Variants in NPFFR2 observed in about 807,000 individuals in gnomAD.
NPFFR2 encodes G-protein coupled receptor 74.
Under a neutral mutation model 13.1 loss-of-function variants are expected in NPFFR2, and 15 were observed. That is an observed-to-expected ratio of 1.15 (90% CI 0.77 to 1.76). The LOEUF (loss-of-function observed/expected upper bound fraction) is 1.76, where lower values mean the gene tolerates loss of function less well. Ranked by LOEUF, NPFFR2 falls within the 40% of genes most tolerant of loss-of-function variation. NPFFR2 has a pLI of 0.00. For synonymous variants in NPFFR2, 190 were observed against 175.7 expected (o/e 1.08, Z -0.65); for missense variants, 572 against 503.5 (o/e 1.14, Z -1.30).
intron 1 of NPFFR2, among the ~76,000 whole-genome samples, chr4:72,053,340 GATA>G (rs1458740815): frequency 6.6e-6 from 1 of 151,796 alleles, no homozygotes; most frequent in Admixed American, 6.6e-5. Flanking sequence ...GCATGGAAGA[GATA>G]ATGAGAGAAC....
intron 1 of NPFFR2, among the ~76,000 whole-genome samples, chr4:72,074,331 A>T (rs1720362706): frequency 6.6e-6 from 1 of 152,050 alleles, no homozygotes; most frequent in African/African-American, 2.4e-5. Flanking sequence ...TCACATAGGG[A>T]TTTTGTCATC....
chr4:72,132,426 C>A (rs1177037335), intron 2 of NPFFR2, among the ~76,000 whole-genome samples: 3 of 152,118 alleles, frequency 2.0e-5, no homozygotes, highest in Non-Finnish European at 1.5e-5. Flanking sequence ...GATTCCATGT[C>A]TTTGCTATCG....
At chr4:72,117,199 A>C (rs1488709141) in intron 1 of NPFFR2, among the ~76,000 whole-genome samples, 2 of 151,980 alleles carry the variant, frequency 1.3e-5, no homozygotes, top group Non-Finnish European at 2.9e-5. Context: ...CTGACAGTAA[A>C]TCAGCTTGCA....
Position 72,045,215 on chromosome 4 carries a change from T to C in NPFFR2, c.-8+13015T>C, listed in dbSNP as rs147385810. Among the ~76,000 whole-genome samples the C allele has an allele frequency of 8.1e-3, 1,238 of 152,242 alleles. 10 individuals carry two copies. The highest frequency in any genetic ancestry group is 0.013 in the Non-Finnish European group (878 of 67,998). ...TCACTATAAGTATCTGATATACTGA[T>C]TTTGTTTCCTTCGGATAAATACACA... On this transcript the variant is annotated intron_variant, in intron 1 of 3. Coordinates refer to ENST00000308744, the MANE Select transcript of NPFFR2 (RefSeq NM_004885.3).
At chr4:72,140,096 C>T (rs986248197) in intron 3 of NPFFR2, among the ~76,000 whole-genome samples, 28 of 152,006 alleles carry the variant, frequency 1.8e-4, no homozygotes, top group African/African-American at 5.8e-4. Flanking sequence ...GTGATTTTTG[C>T]ACATTGATTT....
At chr4:72,043,414 A>G (rs1289549020) in intron 1 of NPFFR2, among the ~76,000 whole-genome samples, 1 of 152,198 alleles carries the variant, frequency 6.6e-6, no homozygotes, top group Admixed American at 6.5e-5. Flanking sequence ...AGCTTGCACC[A>G]TGCACCTGGA....
Position 72,058,510 on chromosome 4 carries a change from G to A in NPFFR2, c.-8+26310G>A, listed in dbSNP as rs574269125. Among the ~76,000 whole-genome samples the A allele has an allele frequency of 3.2e-3, 479 of 152,026 alleles. 4 individuals are homozygous for A. Among genetic ancestry groups the A allele is most frequent in the African/African-American group, 0.011 (442 of 41,480 alleles). On this transcript the variant is annotated intron_variant, in intron 1 of 3. Transcript: ENST00000308744. ...ATATATGTTTTAATGCATATAAGCT[G>A]GTCCCTGGCAACTAAGCCAGTGACC...
intron 1 of NPFFR2, among the ~76,000 whole-genome samples, chr4:72,127,966 G>T (rs1318527265): frequency 6.6e-6 from 1 of 151,964 alleles, no homozygotes; most frequent in African/African-American, 2.4e-5. Context: ...TGTGGTCTCA[G>T]CTACTTGGGG....
At chr4:72,122,962 G>A (rs1721931968) in intron 1 of NPFFR2, among the ~76,000 whole-genome samples, 1 of 152,128 alleles carries the variant, frequency 6.6e-6, no homozygotes, top group South Asian at 2.1e-4. Context: ...ATGAATCCAG[G>A]AGCTGGTTTT....
chr4:72,110,426 T>C (rs1383989342), intron 1 of NPFFR2, among the ~76,000 whole-genome samples: 1 of 151,994 alleles, frequency 6.6e-6, no homozygotes, highest in Non-Finnish European at 1.5e-5. Context: ...TGCTCCTGTA[T>C]GCAGTGATTC....
intron 3 of NPFFR2, among the ~76,000 whole-genome samples, chr4:72,140,429 T>G (rs571860526): frequency 1.1e-4 from 16 of 152,340 alleles, no homozygotes; most frequent in African/African-American, 3.8e-4. Flanking sequence ...TTGAGATACA[T>G]TCCATCAATA....
At chr4:72,132,134 T>G (rs979698877) in intron 2 of NPFFR2, among the ~76,000 whole-genome samples, 6 of 152,024 alleles carry the variant, frequency 3.9e-5, no homozygotes, top group Non-Finnish European at 7.4e-5. Context: ...CCATTGGTTT[T>G]TTTTTTTTCC....
chr4:72,068,989 A>G, intron 1 of NPFFR2: 1 of 1,412,922 alleles, frequency 7.1e-7, no homozygotes, highest in Non-Finnish European at 9.4e-7. Flanking sequence ...TGAATGTCTT[A>G]ATAAGAGTGA....
chr4:72,118,690 A>G (rs1375566649), intron 1 of NPFFR2, among the ~76,000 whole-genome samples: 1 of 152,166 alleles, frequency 6.6e-6, no homozygotes, highest in African/African-American at 2.4e-5. Context: ...AACAAAAATT[A>G]TATGATGAGA....
intron 3 of NPFFR2, among the ~76,000 whole-genome samples, chr4:72,140,752 G>T (rs1033925540): frequency 6.6e-6 from 1 of 152,054 alleles, no homozygotes; most frequent in Non-Finnish European, 1.5e-5. Context: ...ACCAGGCTTT[G>T]GTATCAGGAT....
intron 1 of NPFFR2, among the ~76,000 whole-genome samples, chr4:72,076,998 C>T (rs1425744328): frequency 6.6e-6 from 1 of 152,122 alleles, no homozygotes; most frequent in Non-Finnish European, 1.5e-5. Flanking sequence ...AGTAAATCAT[C>T]TAAATTAATT....
At position 72,128,820 on chromosome 4, in the gene NPFFR2, C is replaced by T. The variant is rs1262797003; in HGVS notation, c.229C>T (p.His77Tyr). 6.2e-7 allele frequency: 1 copy of T among 1,613,980 alleles called. No homozygotes were observed. Among genetic ancestry groups the T allele is most frequent in the Non-Finnish European group, 8.5e-7 (1 of 1,179,876 alleles). ...CFIVMRNKHMHTVTNLFILNL... is the reference protein window; with the variant it reads ...CFIVMRNKHMYTVTNLFILNL... ...TATTGTAATGAGGAACAAACATATG[C>T]ACACAGTCACTAATCTCTTCATCTT... Residue 77 changes from histidine (H) to tyrosine (Y), a missense_variant, in exon 2 of 4, where the codon CAC becomes TAC. Physicochemically the swap from His to Tyr is moderately conservative, Grantham distance 83 (BLOSUM62 2). Transcript: ENST00000308744.
intron 3 of NPFFR2, among the ~76,000 whole-genome samples, chr4:72,143,276 T>C (rs1578485131): frequency 1.3e-5 from 2 of 152,186 alleles, no homozygotes; most frequent in East Asian, 3.9e-4. Context: ...CAGAATATGC[T>C]GCCTGTAAAT....
intron 1 of NPFFR2, among the ~76,000 whole-genome samples, chr4:72,102,235 A>C (rs1237364306): frequency 6.6e-6 from 1 of 152,062 alleles, no homozygotes; most frequent in Non-Finnish European, 1.5e-5. Flanking sequence ...TGGTGGAAAA[A>C]CTTAAATGTC....
Sources: allele counts gnomAD v4.1 joint callset (sites outside exome capture counted in the v4.1 genomes callset), GRCh38; gene constraint gnomAD v4.1.1; transcripts MANE v1.5; gene names NCBI Gene and HGNC (gene_info 2026-07-23, HGNC 2026-07-21).